Variants in CD83 observed in about 807,000 individuals in gnomAD.
The protein encoded by CD83 is CD83 antigen.
CD83 carries 22 observed loss-of-function variants against 24.6 expected under a neutral mutation model. The observed-to-expected ratio is 0.90, with a 90% CI of 0.64 to 1.28. The LOEUF (loss-of-function observed/expected upper bound fraction) is 1.28. Ranked by LOEUF, CD83 falls within the 50% of genes most tolerant of loss-of-function variation. CD83 has a pLI of 0.00. For missense variants in CD83, 253 were observed against 252.8 expected, an observed-to-expected ratio of 1.00 and a Z score of -0.01; for synonymous variants, 101 against 103.5, an observed-to-expected ratio of 0.98 and a Z score of 0.14.
chr6:14,120,620 T>C (rs1362600568), intron 2 of CD83, among the ~76,000 whole-genome samples: 1 of 152,192 alleles, frequency 6.6e-6, no homozygotes, highest in Non-Finnish European at 1.5e-5. Flanking sequence ...GCAGTGGGTT[T>C]TCACCATCCA....
At chr6:14,131,809 C>A in intron 3 of CD83, 61 bp downstream of exon 3, 2 of 1,166,488 alleles carry the variant, frequency 1.7e-6, no homozygotes, top group Non-Finnish European at 2.6e-6. Flanking sequence ...TCCTTTAGGT[C>A]CTAAAATCGT....
At chr6:14,134,409 T>C (rs1360915977) in intron 4 of CD83, among the ~76,000 whole-genome samples, 4 of 152,180 alleles carry the variant, frequency 2.6e-5, no homozygotes, top group Admixed American at 2.6e-4. Context: ...TCACCTGTGT[T>C]GATGATGGTT....
rs115255035 is a variant in CD83 at position 14,136,473 on chromosome 6, C to T, written c.*1237C>T. 8.5e-4 allele frequency: 129 copies of T among 152,320 alleles called. No individual in the cohort carries two copies. Among genetic ancestry groups the T allele is most frequent in the African/African-American group, 2.9e-3 (120 of 41,550 alleles). 9.4% of individuals were successfully genotyped at this position (152,320 alleles called of 1,614,324 possible). ...GGAGCCGCTGGCAGAAGGGACTTCACGAAGTGTTGCATGGATGTTTTAGCC... is the reference window on the plus strand; with the variant it reads ...GGAGCCGCTGGCAGAAGGGACTTCATGAAGTGTTGCATGGATGTTTTAGCC... On this transcript the variant is annotated 3_prime_UTR_variant, in exon 5 of 5. Coordinates refer to ENST00000379153, the MANE Select transcript of CD83 (RefSeq NM_004233.4).
chr6:14,124,968 C>T (rs1212345926), intron 2 of CD83, among the ~76,000 whole-genome samples: 5 of 152,162 alleles, frequency 3.3e-5, no homozygotes, highest in Admixed American at 1.3e-4. Context: ...AAAACACACA[C>T]TGACACAGAC....
intron 2 of CD83, among the ~76,000 whole-genome samples, chr6:14,122,930 A>G (rs1745546516): frequency 1.3e-5 from 2 of 152,346 alleles, no homozygotes; most frequent in South Asian, 2.1e-4. Flanking sequence ...TGAGGTAACC[A>G]GTGATGTAGA....
In CD83 at chr6:14,131,608, C is replaced by A; in HGVS notation, c.242C>A (p.Ser81Tyr). The A allele has an allele frequency of 6.2e-7, 1 of 1,614,142 alleles. No homozygotes were observed. The highest frequency in any genetic ancestry group is 8.5e-7 in the Non-Finnish European group (1 of 1,180,012). ...TATCATCAGAAGGGGCAAAATGGTT[C>A]TTTCGACGCCCCCAATGAAAGGCCC... ...QHYHQKGQNG[S>Y]FDAPNERPYS... Residue 81 changes from serine to tyrosine, a missense_variant, in exon 3 of 5, where the codon TCT (serine) becomes TAT (tyrosine). Physicochemically the swap from Ser to Tyr is moderately radical, Grantham distance 144. Coordinates refer to ENST00000379153, the MANE Select transcript of CD83 (RefSeq NM_004233.4).
chr6:14,126,473 G>A (rs1001113092), intron 2 of CD83, among the ~76,000 whole-genome samples: 3 of 152,262 alleles, frequency 2.0e-5, no homozygotes, highest in South Asian at 2.1e-4. Flanking sequence ...AGAGGTAGCC[G>A]TGGGAGGGCT....
chr6:14,122,993 A>T (rs571047279), intron 2 of CD83, among the ~76,000 whole-genome samples: 1 of 152,360 alleles, frequency 6.6e-6, no homozygotes, highest in South Asian at 2.1e-4. Context: ...AAAGTAGGCT[A>T]GAGACAGATT....
rs202088383 is a variant in CD83 at position 14,121,833 on chromosome 6, G to T, written c.153+3768G>T. Among the ~76,000 whole-genome samples the T allele has an allele frequency of 8.6e-5, 13 of 152,024 alleles. No homozygotes were observed. The East Asian group carries it at 2.5e-3, about 29-fold the overall frequency. ...GCATGTGGACTTCATGAAAAGCGTCGCTGTGTCTACACTCTCTTTAATGTA... is the reference window on the plus strand; with the variant it reads ...GCATGTGGACTTCATGAAAAGCGTCTCTGTGTCTACACTCTCTTTAATGTA... On this transcript the variant is annotated intron_variant, in intron 2 of 4. Transcript: ENST00000379153.
intron 2 of CD83, 38 bp downstream of exon 2, chr6:14,118,103 G>A (rs201670981): frequency 3.4e-6 from 5 of 1,477,804 alleles, no homozygotes; most frequent in African/African-American, 2.8e-5. Flanking sequence ...GGTTTGGTGG[G>A]CTCATTTGAA....
chr6:14,134,004 C>T (rs1370212017), intron 4 of CD83, among the ~76,000 whole-genome samples: 2 of 152,104 alleles, frequency 1.3e-5, no homozygotes, highest in South Asian at 2.1e-4. Flanking sequence ...ATAGGAAGGA[C>T]GTTTGGGAAA....
intron 2 of CD83, among the ~76,000 whole-genome samples, chr6:14,122,012 G>A (rs1759682205): frequency 6.6e-6 from 1 of 152,200 alleles, no homozygotes; most frequent in Admixed American, 6.5e-5. Flanking sequence ...CAAAACGAAA[G>A]AGGATATATG....
rs1757932435 is a variant in CD83 at position 14,132,511 on chromosome 6, TTGTTAG to T, written c.382+767_382+772del. On this transcript the variant is annotated intron_variant, in intron 3 of 4. Coordinates refer to ENST00000379153, the MANE Select transcript of CD83 (RefSeq NM_004233.4). The stretch of plus-strand genomic sequence containing the variant: ...CTGGCTCAAATATTAACTCTGCCTT[TTGTTAG>T]TGTGTGACCTTGAGCAAATCACGGA... Among the ~76,000 whole-genome samples the T allele has an allele frequency of 3.9e-5, 6 of 152,366 alleles. No homozygotes were observed. In the South Asian group the frequency reaches 1.2e-3, roughly 32 times the overall value.
In CD83 at chr6:14,133,633, G is replaced by A. The variant is rs761664037; in HGVS notation, c.383-16G>A. 19 of 1,533,548 alleles carry A rather than the reference G, an allele frequency of 1.2e-5. No individual in the cohort carries two copies. The East Asian group carries it at 1.4e-4, about 11-fold the overall frequency. The allele number at this position is 1,533,548 out of a possible 1,614,324, so 95.0% of individuals were successfully genotyped here. A position where few individuals can be genotyped will look rare whatever the true frequency, so the allele number is the denominator to read the frequency against. ...TCCTGTTAAAATGGCTTCACATGTC[G>A]CTTACTTTTTTAAAGGATGCCCTGC... On this transcript the variant is annotated splice_polypyrimidine_tract_variant and intron_variant, in intron 3 of 4. Transcript: ENST00000379153.
chr6:14,133,693 G>A lies in CD83; in HGVS notation c.427G>A (p.Ala143Thr). The A allele has an allele frequency of 1.2e-6, 2 of 1,614,024 alleles. No individual in the cohort carries two copies. The highest frequency in any genetic ancestry group is 1.7e-6 in the Non-Finnish European group (2 of 1,179,900). Residue 143 changes from alanine (A) to threonine (T), a missense_variant, in exon 4 of 5, where the codon GCG (alanine) becomes ACG (threonine). Transcript: ENST00000379153. ...AGAAGAGACTTTTAAGAAATACAGAGCGGAGATTGTCCTGCTGCTGGCTCT... is the reference window on the plus strand; with the variant it reads ...AGAAGAGACTTTTAAGAAATACAGAACGGAGATTGTCCTGCTGCTGGCTCT... ...RKEETFKKYR[A>T]EIVLLLALVI...
At chr6:14,124,050 A>T (rs896035826) in intron 2 of CD83, among the ~76,000 whole-genome samples, 2 of 152,214 alleles carry the variant, frequency 1.3e-5, no homozygotes, top group Non-Finnish European at 2.9e-5. Context: ...ATTAGCTCAA[A>T]ATAGAGCTGG....
At chr6:14,125,927 T>C (rs990169235) in intron 2 of CD83, among the ~76,000 whole-genome samples, 1 of 152,184 alleles carries the variant, frequency 6.6e-6, no homozygotes, top group African/African-American at 2.4e-5. Flanking sequence ...GGTAAGGAAA[T>C]GACAGAGTGG....
chr6:14,132,586 C>T (rs972240708), intron 3 of CD83, among the ~76,000 whole-genome samples: 5 of 152,126 alleles, frequency 3.3e-5, no homozygotes, highest in Non-Finnish European at 4.4e-5. Flanking sequence ...ATGGAAGTAA[C>T]GTCTACAACA....
In CD83 at chr6:14,117,817, G is replaced by C. The variant is rs1355832919; in HGVS notation, c.6G>C (p.Ser2=). ...AGCGGCGCAGCGCTCCAGCCATGTC[G>C]CGCGGCCTCCAGCTTCTGCTCCTGA... M[S]RGLQLLLLSC... The change falls in exon 1 of 5, where the codon TCG becomes TCC. Residue 2 remains serine (S), a synonymous_variant. Transcript: ENST00000379153. This position sits in a 1 kb window ranked among gnomAD's most constrained non-coding sequence, Gnocchi z 4.6. 2 of 1,560,578 alleles carry C rather than the reference G, an allele frequency of 1.3e-6. No homozygotes were observed. The highest frequency in any genetic ancestry group is 3.6e-5 in the Admixed American group (2 of 55,462).
Sources: gnomAD v4.1 joint callset for allele counts (sites outside exome capture counted in the v4.1 genomes callset) on GRCh38, gnomAD v4.1.1 for gene constraint, Gnocchi (gnomAD v3.1) non-coding constraint, MANE v1.5 for transcripts, NCBI Gene and HGNC (gene_info 2026-07-23, HGNC 2026-07-21) for gene names.